Variants in PAK1 observed in about 807,000 individuals in gnomAD.
PAK1 encodes the protein p21 (RAC1) activated kinase 1.
In PAK1, 29 loss-of-function variants were observed where a neutral mutation model predicts 67.4. The observed-to-expected ratio is 0.43, with a 90% confidence interval of 0.32 to 0.59. The LOEUF (loss-of-function observed/expected upper bound fraction) is 0.59. PAK1 is among the 20% of genes least tolerant of loss of function. The pLI, the probability that PAK1 is intolerant of heterozygous loss-of-function variation, is 0.07. For synonymous variants in PAK1, 223 were observed against 237.4 expected, an observed-to-expected ratio of 0.94 and a Z score of 0.56; for missense variants, 337 against 670.7, an observed-to-expected ratio of 0.50 and a Z score of 5.50.
chr11:77,376,661 C>T (rs1395569366), intron 4 of PAK1, among the ~76,000 whole-genome samples: 8 of 148,232 alleles, frequency 5.4e-5, no homozygotes, highest in African/African-American at 2.0e-4. Context: ...TGCATGAACC[C>T]AGGAGGCAGA....
chr11:77,407,014 C>G (rs1953682331), intron 1 of PAK1, among the ~76,000 whole-genome samples: 1 of 152,062 alleles, frequency 6.6e-6, no homozygotes, highest in African/African-American at 2.4e-5. Flanking sequence ...ATAAGTATAG[C>G]TATTACGTGC....
chr11:77,322,926 A>T lies in PAK1; in HGVS notation c.*348T>A. 1 of 571,956 alleles carries T rather than the reference A, an allele frequency of 1.7e-6. No homozygotes were observed. Among genetic ancestry groups the T allele is most frequent in the Non-Finnish European group, 3.1e-6 (1 of 324,328 alleles). The allele number at this position is 571,956 out of a possible 1,614,324, so 35.4% of individuals were successfully genotyped here. On this transcript the variant is annotated 3_prime_UTR_variant, in exon 15 of 15. Transcript: ENST00000356341. ...TAATATTATCAAACCATAAATTTAT[A>T]TAGTCAAGAATTAATTGTGGGAGAT...
chr11:77,418,184 T>C (rs1451896175), intron 1 of PAK1, among the ~76,000 whole-genome samples: 2 of 152,224 alleles, frequency 1.3e-5, no homozygotes, highest in Non-Finnish European at 2.9e-5. Context: ...TTAGATTCAT[T>C]AGACACAAAA....
chr11:77,489,922 G>A, the PAK1 span, among the ~76,000 whole-genome samples: 1 of 152,032 alleles, frequency 6.6e-6, no homozygotes, highest in Non-Finnish European at 1.5e-5. Flanking sequence ...CGTCTGGGAT[G>A]TGAGGAGCCC....
chr11:77,338,149 A>G (rs781686463), intron 11 of PAK1, among the ~76,000 whole-genome samples: 1 of 152,210 alleles, frequency 6.6e-6, no homozygotes, highest in Non-Finnish European at 1.5e-5. Flanking sequence ...CATTGACTAT[A>G]TAATTCTGGA....
the PAK1 span, among the ~76,000 whole-genome samples, chr11:77,490,357 C>T: frequency 1.4e-5 from 2 of 145,682 alleles, no homozygotes; most frequent in Non-Finnish European, 3.0e-5. Flanking sequence ...ACCCGGCCAG[C>T]CGCCCCGTCC....
At chr11:77,348,594 G>A (rs1015931877) in intron 9 of PAK1, among the ~76,000 whole-genome samples, 3 of 152,136 alleles carry the variant, frequency 2.0e-5, no homozygotes, top group African/African-American at 7.2e-5. Context: ...AGTTATGTAA[G>A]CAACTATCCA....
the PAK1 span, among the ~76,000 whole-genome samples, chr11:77,521,523 C>G: frequency 1.3e-5 from 2 of 151,410 alleles, no homozygotes; most frequent in African/African-American, 4.9e-5. Flanking sequence ...AACCGAAACT[C>G]CACCTCAAAA....
intron 1 of PAK1, among the ~76,000 whole-genome samples, chr11:77,395,845 T>C (rs1025094362): frequency 6.6e-6 from 1 of 152,222 alleles, no homozygotes; most frequent in Non-Finnish European, 1.5e-5. Context: ...TTTCTTCCAG[T>C]TTCTCTTCCC....
the PAK1 span, among the ~76,000 whole-genome samples, chr11:77,501,161 A>AG: frequency 5.7e-4 from 84 of 147,864 alleles, no homozygotes; most frequent in Admixed American, 1.1e-3. Context: ...AAAAAAAAAA[A>AG]CAAAAAACAA....
the PAK1 span, among the ~76,000 whole-genome samples, chr11:77,502,280 G>A: frequency 6.6e-6 from 1 of 152,058 alleles, no homozygotes; most frequent in Non-Finnish European, 1.5e-5. Flanking sequence ...ATATACAAGA[G>A]CAACTAACAT....
chr11:77,464,571 G>GTCTA (rs1957507028), intron 1 of PAK1, among the ~76,000 whole-genome samples: 1 of 152,312 alleles, frequency 6.6e-6, no homozygotes, highest in Non-Finnish European at 1.5e-5. Context: ...AATATGTGTA[G>GTCTA]TCTAATTAAG....
At chr11:77,410,062 TCTC>T (rs1954268915) in intron 1 of PAK1, among the ~76,000 whole-genome samples, 1 of 152,134 alleles carries the variant, frequency 6.6e-6, no homozygotes, top group Non-Finnish European at 1.5e-5. Context: ...AGCACTGTCT[TCTC>T]CTCCAGGCCT....
chr11:77,385,137 T>C (rs185480947), intron 2 of PAK1, among the ~76,000 whole-genome samples: 2 of 152,278 alleles, frequency 1.3e-5, no homozygotes, highest in African/African-American at 4.8e-5. Flanking sequence ...TGAAAGCTTT[T>C]CCTGAGATTA....
At chr11:77,380,995 A>C (rs550780888) in intron 2 of PAK1, among the ~76,000 whole-genome samples, 1 of 152,298 alleles carries the variant, frequency 6.6e-6, no homozygotes, top group South Asian at 2.1e-4. Flanking sequence ...GCTGTCTGGG[A>C]GCTCAACACA....
intron 14 of PAK1, among the ~76,000 whole-genome samples, chr11:77,332,414 A>G (rs888379706): frequency 3.1e-4 from 39 of 123,824 alleles, no homozygotes; most frequent in Admixed American, 7.5e-4. Context: ...GAAGGGAAGG[A>G]AAGGGAAAGG....
intron 1 of PAK1, among the ~76,000 whole-genome samples, chr11:77,410,386 G>GCT: frequency 6.6e-6 from 1 of 152,142 alleles, no homozygotes; most frequent in Non-Finnish European, 1.5e-5. Flanking sequence ...CCCAAGGCAA[G>GCT]GCACAGAGGC....
At chr11:77,401,806 TG>T (rs1419489980) in intron 1 of PAK1, among the ~76,000 whole-genome samples, 2 of 152,230 alleles carry the variant, frequency 1.3e-5, no homozygotes, top group Non-Finnish European at 2.9e-5. Flanking sequence ...CAGCATTCTA[TG>T]TGTACTTCTA....
chr11:77,484,836 G>C, the PAK1 span, among the ~76,000 whole-genome samples: 5 of 152,228 alleles, frequency 3.3e-5, no homozygotes. Flanking sequence ...ACATACCTGA[G>C]ACTGGGTAAT....
Sources: gnomAD v4.1 joint callset for allele counts (sites outside exome capture counted in the v4.1 genomes callset) on GRCh38, gnomAD v4.1.1 for gene constraint, MANE v1.5 for transcripts, NCBI Gene and HGNC (gene_info 2026-07-23, HGNC 2026-07-21) for gene names.